Variants in EDARADD observed in about 807,000 individuals in gnomAD.
The protein encoded by EDARADD is ectodysplasin-A receptor-associated adapter protein.
In EDARADD, 20 loss-of-function variants were observed where a neutral mutation model predicts 25.6. The ratio of observed to expected loss-of-function variants is 0.78; its 90% CI spans 0.55 to 1.14. The LOEUF (loss-of-function observed/expected upper bound fraction) is 1.14, where lower values mean the gene tolerates loss of function less well. Among genes scored for constraint, EDARADD ranks in the 50% most tolerant of loss-of-function variants. The probability of loss-of-function intolerance (pLI) is 0.00; values close to 1 mark genes in which losing one functional copy is unlikely to be tolerated. For missense variants in EDARADD, 225 were observed against 270.1 expected, an observed-to-expected ratio of 0.83 and a Z score of 1.17; for synonymous variants, 86 against 94.4, an observed-to-expected ratio of 0.91 and a Z score of 0.52.
chr1:236,405,885 C>CCTTCCT (rs1252551007), intron 1 of EDARADD, among the ~76,000 whole-genome samples: 1 of 36,556 alleles, frequency 2.7e-5, no homozygotes, highest in African/African-American at 9.2e-5. Flanking sequence ...TTCTTTCTTT[C>CCTTCCT]TTTCTTTCTT....
At chr1:236,418,878 G>A (rs1260565065) in intron 3 of EDARADD, among the ~76,000 whole-genome samples, 6 of 152,012 alleles carry the variant, frequency 3.9e-5, no homozygotes, top group South Asian at 2.1e-4. Context: ...TTCTCATCCC[G>A]CTTGTTCAAT....
rs1178191969 is a variant in EDARADD at position 236,482,938 on chromosome 1, C to T, written c.*289C>T. The stretch of plus-strand genomic sequence containing the variant: ...CTACAATCGGAATGGATTCATGCCA[C>T]GTTGAAGATAAAATTATCCTCTCTC... On this transcript the variant is annotated 3_prime_UTR_variant, in exon 6 of 6. Transcript: ENST00000334232. 10 of 599,962 alleles carry T rather than the reference C, an allele frequency of 1.7e-5. No homozygotes were observed. In the East Asian group the frequency reaches 2.3e-4, roughly 14 times the overall value. 37.2% of individuals were successfully genotyped at this position (599,962 alleles called of 1,614,324 possible). A position where few individuals can be genotyped will look rare whatever the true frequency, so the allele number is the denominator to read the frequency against.
At chr1:236,362,415 G>A (rs959981711) in intron 3 of EDARADD, among the ~76,000 whole-genome samples, 2 of 152,240 alleles carry the variant, frequency 1.3e-5, no homozygotes, top group South Asian at 2.1e-4. Context: ...TTATTGTCAA[G>A]TTTTGCGAGA....
chr1:236,466,108 A>G (rs1340157432), intron 4 of EDARADD, among the ~76,000 whole-genome samples: 1 of 152,224 alleles, frequency 6.6e-6, no homozygotes, highest in Non-Finnish European at 1.5e-5. Context: ...TAACATTTGT[A>G]TCTCTCGACA....
At chr1:236,381,784 T>C (rs895858787) in intron 3 of EDARADD, among the ~76,000 whole-genome samples, 1 of 149,984 alleles carries the variant, frequency 6.7e-6, no homozygotes, top group Non-Finnish European at 1.5e-5. Flanking sequence ...GTCTTTTTTT[T>C]TTTCTTCCTG....
chr1:236,381,800 G>GGTTTT (rs1558105353), intron 3 of EDARADD, among the ~76,000 whole-genome samples: 4 of 16,940 alleles, frequency 2.4e-4, no homozygotes, highest in East Asian at 1.9e-3. Flanking sequence ...TCCTGTGGTT[G>GGTTTT]CTTTTTTTTT....
chr1:236,369,663 A>AC (rs1667154129), intron 3 of EDARADD, among the ~76,000 whole-genome samples: 1 of 152,062 alleles, frequency 6.6e-6, no homozygotes. Flanking sequence ...ACATGGAGAG[A>AC]CCCCGTCTCT....
chr1:236,464,550 A>G (rs1357556796), intron 4 of EDARADD, among the ~76,000 whole-genome samples: 1 of 145,186 alleles, frequency 6.9e-6, no homozygotes, highest in African/African-American at 2.6e-5. Context: ...CTCCTGCCTC[A>G]CCCTCCTGAG....
chr1:236,465,479 C>T (rs537280062), intron 4 of EDARADD, among the ~76,000 whole-genome samples: 1 of 152,318 alleles, frequency 6.6e-6, no homozygotes, highest in South Asian at 2.1e-4. Context: ...CCTCCCAAGT[C>T]CCCACTGCCC....
intron 4 of EDARADD, among the ~76,000 whole-genome samples, chr1:236,460,867 A>G (rs1320770618): frequency 1.3e-5 from 2 of 151,872 alleles, no homozygotes; most frequent in African/African-American, 2.4e-5. Context: ...CTGTCACCCA[A>G]GCTGGAGTCC....
Position 236,458,249 on chromosome 1 carries a change from C to T in EDARADD, c.220-9982C>T, listed in dbSNP as rs541558750. Among the ~76,000 whole-genome samples, 12 of 152,308 alleles carry T rather than the reference C, an allele frequency of 7.9e-5. No individual in the cohort carries two copies. In the South Asian group the frequency reaches 1.9e-3, roughly 24 times the overall value. ...CGGCATTCAAAATAGAGAAGAGCTG[C>T]GGGTAACTCCCATGCCCGTTGGCAG... On this transcript the variant is annotated intron_variant, in intron 4 of 5. Coordinates refer to ENST00000334232, the MANE Select transcript of EDARADD (RefSeq NM_145861.4).
chr1:236,397,401 A>G (rs560072686), intron 1 of EDARADD, among the ~76,000 whole-genome samples: 74 of 151,250 alleles, frequency 4.9e-4, no homozygotes, highest in African/African-American at 1.8e-3. Context: ...CCTGTATCTC[A>G]AAATAAATAA....
intron 4 of EDARADD, among the ~76,000 whole-genome samples, chr1:236,437,544 A>T (rs1175931610): frequency 6.6e-6 from 1 of 152,020 alleles, no homozygotes; most frequent in Non-Finnish European, 1.5e-5. Context: ...TCACCTAGGG[A>T]TGTAATCCCA....
At position 236,482,332 on chromosome 1, in the gene EDARADD, A is replaced by G; in HGVS notation, c.331A>G (p.Thr111Ala). 1 of 1,614,128 alleles carries G rather than the reference A, an allele frequency of 6.2e-7. No individual in the cohort carries two copies. The highest frequency in any genetic ancestry group is 8.5e-7 in the Non-Finnish European group (1 of 1,180,036). ...TCSSCLLRAP[T>A]ISDLLNDQDL... The stretch of plus-strand genomic sequence containing the variant: ...TTCCTCCTGCTTGCTCCGGGCCCCC[A>G]CCATAAGTGACTTGCTCAATGATCA... Residue 111 changes from threonine (T) to alanine (A), a missense_variant, in exon 6 of 6, where the codon ACC (threonine) becomes GCC (alanine). By Grantham distance (58) the Thr-to-Ala change is moderately conservative. Transcript: ENST00000334232.
At position 236,351,627 on chromosome 1, in the gene EDARADD, T is replaced by G. The variant is rs183563970; in HGVS notation, c.-6+788T>G. On this transcript the variant is annotated intron_variant, in intron 3 of 7. Coordinates refer to the EDARADD transcript ENST00000439430. The stretch of plus-strand genomic sequence containing the variant: ...CGGGAGGCTGAGGCAGGAGAATCGC[T>G]TGAACCCAGGAGGCAGAGGTTGCAG... 4.7e-3 allele frequency among the ~76,000 whole-genome samples: 718 copies of G among 151,476 alleles called. 9 individuals are homozygous for G. Among genetic ancestry groups the G allele is most frequent in the African/African-American group, 0.016 (666 of 41,262 alleles).
intron 4 of EDARADD, among the ~76,000 whole-genome samples, chr1:236,430,534 G>C (rs943160112): frequency 6.6e-6 from 1 of 152,036 alleles, no homozygotes; most frequent in Non-Finnish European, 1.5e-5. Context: ...TATCCTAAAA[G>C]GTGAAAATAT....
At chr1:236,355,413 C>T (rs1161955493) in intron 3 of EDARADD, among the ~76,000 whole-genome samples, 1 of 151,104 alleles carries the variant, frequency 6.6e-6, no homozygotes, top group African/African-American at 2.4e-5. Context: ...TCTCTAATCT[C>T]TCTTTGATGT....
intron 3 of EDARADD, among the ~76,000 whole-genome samples, chr1:236,355,872 C>T (rs1666970388): frequency 6.6e-6 from 1 of 152,042 alleles, no homozygotes; most frequent in Non-Finnish European, 1.5e-5. Flanking sequence ...AAACCCATGA[C>T]CGGTTCTAAG....
Position 236,395,387 on chromosome 1 carries a change from C to A in EDARADD, c.61+882C>A. 2 of 1,400,814 alleles carry A rather than the reference C, an allele frequency of 1.4e-6. No individual in the cohort carries two copies. The highest frequency in any genetic ancestry group is 1.9e-6 in the Non-Finnish European group (2 of 1,075,384). The allele number at this position is 1,400,814 out of a possible 1,614,324, so 86.8% of individuals were successfully genotyped here. On this transcript the variant is annotated intron_variant, in intron 1 of 5. Transcript: ENST00000334232. The surrounding 1 kb of genome is among the most constrained non-coding windows in gnomAD (Gnocchi z 6.9). The stretch of plus-strand genomic sequence containing the variant: ...GCCCCGCGCCTCTGGAGGGAGGTAC[C>A]GAGGGACGCGCAGCGAAGGGGCTTT...
Sources: allele counts gnomAD v4.1 joint callset (sites outside exome capture counted in the v4.1 genomes callset), GRCh38; gene constraint gnomAD v4.1.1; non-coding constraint Gnocchi (gnomAD v3.1); transcripts MANE v1.5; gene names NCBI Gene and HGNC (gene_info 2026-07-23, HGNC 2026-07-21).